SLC44A5: variants seen among roughly 807,000 people sequenced by gnomAD.
SLC44A5 encodes the protein solute carrier family 44 member 5.
A neutral mutation model predicts 101.8 loss-of-function variants in SLC44A5; 57 were observed. The observed-to-expected ratio is 0.56, with a 90% CI of 0.45 to 0.70. The LOEUF is 0.70. Ranked by LOEUF, SLC44A5 falls within the 30% of genes least tolerant of loss-of-function variation. The probability of loss-of-function intolerance (pLI) is 0.00; values close to 1 mark genes in which losing one functional copy is unlikely to be tolerated. For synonymous variants in SLC44A5, 281 were observed against 290.9 expected, an observed-to-expected ratio of 0.97 and a Z score of 0.35; for missense variants, 737 against 853.1, an observed-to-expected ratio of 0.86 and a Z score of 1.70.
At chr1:75,696,666 C>A in the SLC44A5 span, among the ~76,000 whole-genome samples, 1 of 151,864 alleles carries the variant, frequency 6.6e-6, no homozygotes, top group African/African-American at 2.4e-5. Flanking sequence ...GAGGCCGAGG[C>A]GGGGAGACCA....
At chr1:75,523,910 A>G (rs1175414828) in intron 2 of SLC44A5, among the ~76,000 whole-genome samples, 1 of 152,262 alleles carries the variant, frequency 6.6e-6, no homozygotes, top group Non-Finnish European at 1.5e-5. Context: ...AAATATTAAT[A>G]GTGGCAATGT....
intron 2 of SLC44A5, among the ~76,000 whole-genome samples, chr1:75,423,344 T>C (rs1664124542): frequency 6.6e-6 from 1 of 152,346 alleles, no homozygotes; most frequent in East Asian, 1.9e-4. Flanking sequence ...GATGGTTGTC[T>C]GCTCGTTATA....
chr1:75,513,269 A>T (rs145512698), intron 2 of SLC44A5, among the ~76,000 whole-genome samples: 276 of 152,366 alleles, frequency 1.8e-3, no homozygotes, highest in African/African-American at 6.0e-3. Flanking sequence ...GAACTGGCAT[A>T]ACACATTCCA....
chr1:75,219,085 CT>C (rs1321995676), intron 16 of SLC44A5, among the ~76,000 whole-genome samples, 171 bp downstream of exon 16: 4 of 152,098 alleles, frequency 2.6e-5, no homozygotes, highest in South Asian at 2.1e-4. Context: ...ATTCCACCCA[CT>C]GTTTTCCATA....
At chr1:75,250,645 C>A (rs1232780423) in intron 7 of SLC44A5, among the ~76,000 whole-genome samples, 1 of 152,094 alleles carries the variant, frequency 6.6e-6, no homozygotes, top group African/African-American at 2.4e-5. Flanking sequence ...TTATCCAAGG[C>A]TTTTAAGAGC....
chr1:75,348,308 A>C (rs1390934885), intron 3 of SLC44A5, among the ~76,000 whole-genome samples: 2 of 152,182 alleles, frequency 1.3e-5, no homozygotes, highest in Admixed American at 6.5e-5. Context: ...AAAGAAAGAC[A>C]GTACTAAAGC....
At chr1:75,322,340 C>T (rs892840115) in intron 4 of SLC44A5, among the ~76,000 whole-genome samples, 1 of 151,884 alleles carries the variant, frequency 6.6e-6, no homozygotes, top group Non-Finnish European at 1.5e-5. Context: ...ACAATGACAT[C>T]CAATATTGCT....
chr1:75,592,764 A>C (rs1674422569), intron 1 of SLC44A5, among the ~76,000 whole-genome samples: 1 of 152,102 alleles, frequency 6.6e-6, no homozygotes, highest in South Asian at 2.1e-4. Context: ...CTCCTCAACA[A>C]ATGGTGCTGG....
At chr1:75,595,337 G>A (rs968283841) in intron 1 of SLC44A5, among the ~76,000 whole-genome samples, 1 of 151,840 alleles carries the variant, frequency 6.6e-6, no homozygotes, top group Non-Finnish European at 1.5e-5. Flanking sequence ...TTTTAAATCA[G>A]AAATTTTCCT....
intron 2 of SLC44A5, among the ~76,000 whole-genome samples, chr1:75,402,885 C>T (rs1353584278): frequency 1.3e-5 from 2 of 152,138 alleles, no homozygotes; most frequent in Admixed American, 1.3e-4. Context: ...AGCCAGGGAG[C>T]CAAGTGGTCT....
intron 2 of SLC44A5, among the ~76,000 whole-genome samples, chr1:75,399,758 A>G (rs1662356852): frequency 6.6e-6 from 1 of 152,242 alleles, no homozygotes; most frequent in Non-Finnish European, 1.5e-5. Context: ...ATCAGTGGTG[A>G]TTAAAATATG....
intron 2 of SLC44A5, among the ~76,000 whole-genome samples, chr1:75,463,838 G>A (rs1384043674): frequency 1.3e-5 from 2 of 152,180 alleles, no homozygotes; most frequent in Admixed American, 6.5e-5. Flanking sequence ...ACTGTGGTGT[G>A]TAAACTACTG....
At chr1:75,359,408 A>AT (rs571999334) in intron 3 of SLC44A5, among the ~76,000 whole-genome samples, 3,932 of 129,414 alleles carry the variant, frequency 0.03, 82 homozygotes, top group African/African-American at 0.064. Context: ...TAATTTTTGT[A>AT]TTTTTTTTTT....
chr1:75,290,683 G>A (rs1653467113), intron 5 of SLC44A5, among the ~76,000 whole-genome samples: 1 of 152,180 alleles, frequency 6.6e-6, no homozygotes, highest in Admixed American at 6.5e-5. Flanking sequence ...GCCACTTGCT[G>A]TAACCCATAA....
At chr1:75,253,380 C>A (rs1364086011) in intron 6 of SLC44A5, among the ~76,000 whole-genome samples, 1 of 151,550 alleles carries the variant, frequency 6.6e-6, no homozygotes, top group African/African-American at 2.4e-5. Context: ...TGTAATCTGC[C>A]TGAAATATCA....
chr1:75,562,946 A>G (rs1040975951), intron 1 of SLC44A5, among the ~76,000 whole-genome samples: 1 of 152,176 alleles, frequency 6.6e-6, no homozygotes, highest in South Asian at 2.1e-4. Context: ...AAACACTTGT[A>G]TATTACACTT....
chr1:75,507,264 T>C (rs186922568), intron 2 of SLC44A5, among the ~76,000 whole-genome samples: 2 of 152,266 alleles, frequency 1.3e-5, no homozygotes, highest in African/African-American at 4.8e-5. Flanking sequence ...TGAAAGGATG[T>C]TAGATTTTAT....
chr1:75,635,272 C>G, the SLC44A5 span, among the ~76,000 whole-genome samples: 1 of 151,500 alleles, frequency 6.6e-6, no homozygotes, highest in African/African-American at 2.4e-5. Context: ...GGATCTAGAA[C>G]TAGAAATACC....
chr1:75,523,930 C>T (rs1307399902), intron 2 of SLC44A5, among the ~76,000 whole-genome samples: 3 of 152,174 alleles, frequency 2.0e-5, no homozygotes, highest in African/African-American at 7.2e-5. Context: ...TTGAGAAACC[C>T]TTCTCCAAGG....
Sources: allele counts gnomAD v4.1 joint callset (sites outside exome capture counted in the v4.1 genomes callset), GRCh38; gene constraint gnomAD v4.1.1; transcripts MANE v1.5; gene names NCBI Gene and HGNC (gene_info 2026-07-23, HGNC 2026-07-21).